Variants in ADCK1 observed in about 807,000 individuals in gnomAD.
The protein encoded by ADCK1 is aarF domain-containing protein kinase 1.
A neutral mutation model predicts 52.3 loss-of-function variants in ADCK1; 41 were observed. That is an observed-to-expected ratio of 0.78 (90% CI 0.61 to 1.02). ADCK1 has a LOEUF of 1.02. Ranked by LOEUF, ADCK1 falls within the 50% of genes least tolerant of loss-of-function variation. The pLI is 0.00. For synonymous variants in ADCK1, 250 were observed against 274.6 expected (o/e 0.91, Z 0.89); for missense variants, 658 against 679.5 (o/e 0.97, Z 0.35).
intron 7 of ADCK1, chr14:77,914,561 G>A (rs973429213): frequency 1.0e-6 from 1 of 985,302 alleles, no homozygotes; most frequent in Non-Finnish European, 1.2e-6. Flanking sequence ...GGTGGGGCTG[G>A]GTGAGGCTTT....
At chr14:77,832,122 C>T (rs1159037090) in intron 3 of ADCK1, among the ~76,000 whole-genome samples, 2 of 152,096 alleles carry the variant, frequency 1.3e-5, no homozygotes, top group African/African-American at 2.4e-5. Context: ...GGACTACTGG[C>T]GCATGCCACC....
chr14:77,822,538 C>T lies in ADCK1; in HGVS notation c.219+20C>T. 2.5e-6 allele frequency: 4 copies of T among 1,593,816 alleles called. No homozygotes were observed. Among genetic ancestry groups the T allele is most frequent in the Non-Finnish European group, 3.4e-6 (4 of 1,161,576 alleles). On this transcript the variant is annotated intron_variant, in intron 3 of 10. Transcript: ENST00000238561. ...TCTAAGGTAAGTAACCCATGGGACC[C>T]ATCTGAGCCAGGCCAGGACTGGATA...
At chr14:77,872,860 G>C (rs1005689276) in intron 4 of ADCK1, among the ~76,000 whole-genome samples, 2 of 152,050 alleles carry the variant, frequency 1.3e-5, no homozygotes, top group African/African-American at 4.8e-5. Flanking sequence ...ATTTTTAGTA[G>C]AGACGGGATT....
At chr14:77,914,522 A>T in intron 7 of ADCK1, 3 of 985,440 alleles carry the variant, frequency 3.0e-6, no homozygotes, top group Non-Finnish European at 3.6e-6. Context: ...CACTTGCTAC[A>T]ATAGAGGTGT....
At chr14:77,899,021 G>C (rs2083471649) in intron 5 of ADCK1, 79 bp from the exon 6 acceptor site, 1 of 1,578,698 alleles carries the variant, frequency 6.3e-7, no homozygotes, top group African/African-American at 1.3e-5. Context: ...TACTCTAGGG[G>C]AGAACCAGGC....
intron 5 of ADCK1, among the ~76,000 whole-genome samples, chr14:77,890,838 G>T (rs2083269083): frequency 6.6e-6 from 1 of 152,158 alleles, no homozygotes; most frequent in South Asian, 2.1e-4. Flanking sequence ...TTAGGGTAGT[G>T]GTCAGAGCAG....
intron 5 of ADCK1, among the ~76,000 whole-genome samples, chr14:77,896,581 C>G (rs111931181): frequency 0.013 from 1,980 of 152,322 alleles, 29 homozygotes; most frequent in Non-Finnish European, 0.017. Context: ...GGAATCACTT[C>G]TGTTTCCCGT....
At chr14:77,872,677 C>CT (rs35569874) in intron 4 of ADCK1, among the ~76,000 whole-genome samples, 40,948 of 140,710 alleles carry the variant, frequency 0.29, 6,351 homozygotes, top group African/African-American at 0.37. Flanking sequence ...TTCCCCACTC[C>CT]TTTTTTTTTT....
intron 4 of ADCK1, among the ~76,000 whole-genome samples, chr14:77,871,179 G>A (rs1401465960): frequency 6.6e-6 from 1 of 152,180 alleles, no homozygotes; most frequent in African/African-American, 2.4e-5. Context: ...GTAGGGAAGT[G>A]GGGATGTGGT....
At chr14:77,818,829 A>G in intron 1 of ADCK1, 139 bp from the exon 2 acceptor site, 2 of 996,192 alleles carry the variant, frequency 2.0e-6, no homozygotes, top group Non-Finnish European at 2.9e-6. Flanking sequence ...CTGTTTTACA[A>G]ACGAAGAAAC....
Position 77,819,131 on chromosome 14 carries a change from G to T in ADCK1, c.135+18G>T, listed in dbSNP as rs2287647. The stretch of plus-strand genomic sequence containing the variant: ...TTGCTACGGTAGGTTTTTCCCTTTT[G>T]GGGGTAGCAGAGAAGCTGCAGGATT... On this transcript the variant is annotated intron_variant, in intron 2 of 10. Transcript: ENST00000238561. 0.039 allele frequency: 62,173 copies of T among 1,612,916 alleles called. 1,887 individuals are homozygous for T. The highest frequency in any genetic ancestry group is 0.12 in the South Asian group (10,815 of 90,812).
At chr14:77,889,171 C>T (rs2083226863) in intron 5 of ADCK1, among the ~76,000 whole-genome samples, 1 of 152,218 alleles carries the variant, frequency 6.6e-6, no homozygotes. Flanking sequence ...ACTGTGCGTC[C>T]ATTAAACCTC....
At chr14:77,818,345 G>A (rs530157003) in intron 1 of ADCK1, among the ~76,000 whole-genome samples, 81 of 151,960 alleles carry the variant, frequency 5.3e-4, no homozygotes, top group African/African-American at 1.8e-3. Flanking sequence ...GTGGTGGCAC[G>A]ATCTCAGCTC....
At chr14:77,901,452 C>G (rs75841105) in intron 6 of ADCK1, among the ~76,000 whole-genome samples, 1 of 151,230 alleles carries the variant, frequency 6.6e-6, no homozygotes, top group East Asian at 2.0e-4. Flanking sequence ...CGTAGTGGTG[C>G]AATCTCTGCT....
At chr14:77,819,287 C>G (rs977677097) in intron 2 of ADCK1, among the ~76,000 whole-genome samples, 174 bp downstream of exon 2, 2 of 152,166 alleles carry the variant, frequency 1.3e-5, no homozygotes, top group Admixed American at 6.5e-5. Context: ...TCCTCATATT[C>G]CTTTATTCCT....
At chr14:77,821,820 G>A (rs1052874454) in intron 2 of ADCK1, among the ~76,000 whole-genome samples, 1 of 146,822 alleles carries the variant, frequency 6.8e-6, no homozygotes, top group African/African-American at 2.5e-5. Context: ...GGCCGAGCCT[G>A]CAGTGAGCCA....
intron 3 of ADCK1, among the ~76,000 whole-genome samples, chr14:77,842,611 T>A (rs541214601): frequency 6.6e-5 from 10 of 151,690 alleles, no homozygotes; most frequent in Admixed American, 2.0e-4. Context: ...CAGGCTGGAG[T>A]GCAGTGGCAC....
At chr14:77,817,970 C>T (rs1438149873) in intron 1 of ADCK1, among the ~76,000 whole-genome samples, 1 of 151,720 alleles carries the variant, frequency 6.6e-6, no homozygotes, top group Non-Finnish European at 1.5e-5. Flanking sequence ...GATCTCCTGA[C>T]CTTGTGATCT....
chr14:77,856,984 TC>T (rs201844029), intron 3 of ADCK1, among the ~76,000 whole-genome samples: 217 of 145,784 alleles, frequency 1.5e-3, no homozygotes, highest in Middle Eastern at 3.6e-3. Context: ...CCTGGGTGTC[TC>T]CAAAAAAAAA....
Sources: gnomAD v4.1 joint callset for allele counts (sites outside exome capture counted in the v4.1 genomes callset) on GRCh38, gnomAD v4.1.1 for gene constraint, MANE v1.5 for transcripts, NCBI Gene and HGNC (gene_info 2026-07-23, HGNC 2026-07-21) for gene names.